The following COL5A2 variants were observed in gnomAD, a reference collection of about 807,000 sequenced individuals.
COL5A2 encodes the protein collagen type V alpha 2 chain.
Under a neutral mutation model 208.2 loss-of-function variants are expected in COL5A2, and 23 were observed. The ratio of observed to expected loss-of-function variants is 0.11; its 90% CI spans 0.08 to 0.16. COL5A2 has a LOEUF of 0.16. Among genes scored for constraint, COL5A2 ranks in the 10% least tolerant of loss-of-function variants. The probability of loss-of-function intolerance (pLI) is 1.00; values close to 1 mark genes in which losing one functional copy is unlikely to be tolerated. For synonymous variants in COL5A2, 625 were observed against 628.5 expected (o/e 0.99, Z 0.08); for missense variants, 1,590 against 1,956.4 (o/e 0.81, Z 3.53).
chr2:189,294,073 G>A, the COL5A2 span, among the ~76,000 whole-genome samples: 4 of 147,720 alleles, frequency 2.7e-5, no homozygotes, highest in Non-Finnish European at 1.5e-5. Flanking sequence ...GGGCGACAGA[G>A]CGAGACTCCG....
rs753650891 is a variant in COL5A2 at position 189,052,791 on chromosome 2, A to T, written c.2673T>A (p.Gly891=). The change falls in exon 40 of 54, where the codon GGT becomes GGA. Residue 891 remains glycine, a synonymous_variant. Transcript: ENST00000374866. Reference sequence around the variant, plus strand: ...CTCGACCACCTTTTAGTCCAGGAACACCATTAGGACCCTGAATAGAAACAA... The same window carrying T: ...CTCGACCACCTTTTAGTCCAGGAACTCCATTAGGACCCTGAATAGAAACAA... ...AGSPGPHGPN[G]VPGLKGGRGT... 6.2e-7 allele frequency: 1 copy of T among 1,614,192 alleles called. No individual in the cohort carries two copies. Among genetic ancestry groups the T allele is most frequent in the Non-Finnish European group, 8.5e-7 (1 of 1,180,008 alleles).
chr2:189,396,649 G>C, the COL5A2 span, among the ~76,000 whole-genome samples: 2 of 132,186 alleles, frequency 1.5e-5, no homozygotes, highest in Non-Finnish European at 3.1e-5. Flanking sequence ...ACTCCAGCCT[G>C]GGTAACAGAG....
chr2:189,423,609 A>C, the COL5A2 span, among the ~76,000 whole-genome samples: 2 of 152,162 alleles, frequency 1.3e-5, no homozygotes, highest in Non-Finnish European at 2.9e-5. Context: ...ATGCCAACAA[A>C]TTGTGTAACA....
chr2:189,438,441 T>TC, the COL5A2 span, among the ~76,000 whole-genome samples: 1 of 152,202 alleles, frequency 6.6e-6, no homozygotes. Flanking sequence ...ATGCATAATT[T>TC]CTAAAACCTG....
intron 1 of COL5A2, among the ~76,000 whole-genome samples, chr2:189,167,664 A>ATTT (rs71020984): frequency 0.56 from 77,721 of 139,892 alleles, 22,740 homozygotes; most frequent in East Asian, 0.71. Context: ...GAAAGAAGTG[A>ATTT]TTTTTTTTTT....
chr2:189,280,130 T>C, the COL5A2 span, among the ~76,000 whole-genome samples: 14 of 152,154 alleles, frequency 9.2e-5, no homozygotes, highest in African/African-American at 3.1e-4. Flanking sequence ...ACCTCCAGAA[T>C]TGTGAGAAAC....
At chr2:189,385,932 ACAGTTCCACAT>A in the COL5A2 span, among the ~76,000 whole-genome samples, 1 of 152,206 alleles carries the variant, frequency 6.6e-6, no homozygotes, top group African/African-American at 2.4e-5. Flanking sequence ...TAACTGACTC[ACAGTTCCACAT>A]GGCTGGGGAG....
At chr2:189,218,528 T>C (rs991856990) in intron 1 of COL5A2, among the ~76,000 whole-genome samples, 2 of 152,044 alleles carry the variant, frequency 1.3e-5, no homozygotes, top group Admixed American at 6.5e-5. Context: ...ATTTCTACAA[T>C]CCAGAACTGT....
At chr2:189,101,332 A>C (rs930517765) in intron 3 of COL5A2, among the ~76,000 whole-genome samples, 1 of 152,030 alleles carries the variant, frequency 6.6e-6, no homozygotes, top group African/African-American at 2.4e-5. Flanking sequence ...ATATTTTTTA[A>C]AAAACCCTAA....
At chr2:189,319,525 G>T in the COL5A2 span, among the ~76,000 whole-genome samples, 5 of 152,250 alleles carry the variant, frequency 3.3e-5, no homozygotes, top group Admixed American at 3.3e-4. Flanking sequence ...TATATCCCGT[G>T]CCTGGCTCGG....
the COL5A2 span, among the ~76,000 whole-genome samples, chr2:189,378,008 C>G: frequency 6.6e-6 from 1 of 152,050 alleles, no homozygotes; most frequent in Non-Finnish European, 1.5e-5. Flanking sequence ...TAAGAGTTAC[C>G]TAACTTAAAC....
At chr2:189,289,554 A>AGCCT in the COL5A2 span, among the ~76,000 whole-genome samples, 5 of 152,182 alleles carry the variant, frequency 3.3e-5, no homozygotes, top group Admixed American at 2.0e-4. Context: ...CAAGAAAAAA[A>AGCCT]TGATAAAGCC....
chr2:189,327,163 T>C, the COL5A2 span, among the ~76,000 whole-genome samples: 1 of 152,014 alleles, frequency 6.6e-6, no homozygotes, highest in South Asian at 2.1e-4. Context: ...TTGAATTATA[T>C]TCACTTTTTT....
chr2:189,057,731 T>C (rs1477854318), intron 33 of COL5A2, among the ~76,000 whole-genome samples: 1 of 152,224 alleles, frequency 6.6e-6, no homozygotes, highest in African/African-American at 2.4e-5. Context: ...ATGGAATATA[T>C]TAAGAAAGAA....
intron 19 of COL5A2, 73 bp downstream of exon 19, chr2:189,068,713 G>T: frequency 1.9e-6 from 2 of 1,061,152 alleles, no homozygotes; most frequent in Non-Finnish European, 1.5e-6. Context: ...TAAAAAAATA[G>T]GTTGAATTTG....
intron 1 of COL5A2, among the ~76,000 whole-genome samples, chr2:189,167,649 T>C (rs1033676681): frequency 2.8e-5 from 4 of 143,464 alleles, no homozygotes; most frequent in Admixed American, 7.5e-5. Context: ...TAGGGAAGGA[T>C]TGAAGAAAGA....
the COL5A2 span, among the ~76,000 whole-genome samples, chr2:189,297,761 C>G: frequency 6.6e-6 from 1 of 152,140 alleles, no homozygotes; most frequent in African/African-American, 2.4e-5. Flanking sequence ...CCCCTCAATG[C>G]ACATTTATGC....
intron 33 of COL5A2, among the ~76,000 whole-genome samples, chr2:189,057,704 C>T (rs1315831982): frequency 2.6e-5 from 4 of 151,780 alleles, no homozygotes; most frequent in Non-Finnish European, 4.4e-5. Flanking sequence ...CCTTTTTTTC[C>T]CTCTGTTGGC....
At chr2:189,175,606 C>T (rs1041401503) in intron 1 of COL5A2, among the ~76,000 whole-genome samples, 9 of 149,136 alleles carry the variant, frequency 6.0e-5, no homozygotes, top group East Asian at 2.0e-4. Context: ...TGCAGTGGCA[C>T]GGTCTCAGCT....
Sources: allele counts gnomAD v4.1 joint callset (sites outside exome capture counted in the v4.1 genomes callset), GRCh38; gene constraint gnomAD v4.1.1; transcripts MANE v1.5; gene names NCBI Gene and HGNC (gene_info 2026-07-23, HGNC 2026-07-21).